Variants in ARNT observed in about 807,000 individuals in gnomAD.
ARNT encodes aryl hydrocarbon receptor nuclear translocator, also known as class E basic helix-loop-helix protein 2.
A neutral mutation model predicts 105.0 loss-of-function variants in ARNT; 30 were observed. The observed-to-expected ratio is 0.29, with a 90% CI of 0.21 to 0.39. The LOEUF is 0.39. ARNT is among the 10% of genes least tolerant of loss of function. The pLI is 1.00. For missense variants in ARNT, 748 were observed against 978.7 expected (o/e 0.76, Z 3.15); for synonymous variants, 304 against 344.0 (o/e 0.88, Z 1.29).
At chr1:150,817,542 T>C in intron 15 of ARNT, 109 bp from the exon 16 acceptor site, 2 of 1,043,060 alleles carry the variant, frequency 1.9e-6, no homozygotes, top group Non-Finnish European at 1.4e-6. Context: ...GCATGGTGGC[T>C]CATGCCTGTA....
chr1:150,827,868 T>C (rs1465877701), intron 12 of ARNT, among the ~76,000 whole-genome samples: 1 of 152,218 alleles, frequency 6.6e-6, no homozygotes, highest in Non-Finnish European at 1.5e-5. Flanking sequence ...TTCTAGTGGG[T>C]ATATAGTGGT....
intron 6 of ARNT, among the ~76,000 whole-genome samples, 197 bp from the exon 7 acceptor site, chr1:150,836,690 C>T (rs1359547266): frequency 2.0e-5 from 3 of 152,106 alleles, no homozygotes; most frequent in Non-Finnish European, 2.9e-5. Context: ...TACATGTTTC[C>T]TCACTTTCTC....
chr1:150,861,319 G>C (rs750861496), intron 1 of ARNT: 6 of 403,584 alleles, frequency 1.5e-5, no homozygotes, highest in Middle Eastern at 3.5e-4. Flanking sequence ...AACACAGCAA[G>C]ACAACATCGC....
chr1:150,838,014 C>T (rs1319280457), intron 6 of ARNT, among the ~76,000 whole-genome samples: 1 of 152,146 alleles, frequency 6.6e-6, no homozygotes, highest in Non-Finnish European at 1.5e-5. Context: ...TCATCTTTTA[C>T]CAAAACTAAT....
chr1:150,830,154 T>C lies in ARNT; in HGVS notation c.956-174A>G, dbSNP rs1339616833. 3 of 606,012 alleles carry C rather than the reference T, an allele frequency of 5.0e-6. No individual in the cohort carries two copies. In the East Asian group the frequency reaches 8.8e-5, roughly 18 times the overall value. 37.5% of individuals were successfully genotyped at this position (606,012 alleles called of 1,614,324 possible). A position where few individuals can be genotyped will look rare whatever the true frequency, so the allele number is the denominator to read the frequency against. On this transcript the variant is annotated intron_variant, in intron 10 of 21. Coordinates refer to ENST00000358595, the MANE Select transcript of ARNT (RefSeq NM_001668.4). ...TGGGCGGATCACTTGAGGACCAGCC[T>C]GGCCGACACAGTGAAACCCCATCTC...
chr1:150,867,534 A>G (rs151181235), intron 1 of ARNT, among the ~76,000 whole-genome samples: 23 of 152,282 alleles, frequency 1.5e-4, no homozygotes, highest in Admixed American at 5.2e-4. Flanking sequence ...TAAAAGAAAA[A>G]GAGAGAGATA....
intron 3 of ARNT, among the ~76,000 whole-genome samples, chr1:150,852,042 C>CAAAAAA (rs201248419): frequency 1.1e-5 from 1 of 95,050 alleles, no homozygotes; most frequent in East Asian, 3.1e-4. Flanking sequence ...GACTCCGTCT[C>CAAAAAA]AAAAAAAAAA....
chr1:150,815,863 CAA>C (rs35003478), intron 19 of ARNT, among the ~76,000 whole-genome samples: 9 of 122,016 alleles, frequency 7.4e-5, no homozygotes, highest in African/African-American at 6.4e-5. Context: ...GACTCTGTCT[CAA>C]AAAAAAAAAA....
intron 1 of ARNT, among the ~76,000 whole-genome samples, chr1:150,862,390 C>G (rs1665790857): frequency 1.3e-5 from 2 of 152,114 alleles, no homozygotes; most frequent in South Asian, 4.1e-4. Context: ...ATACCTCCAA[C>G]AGCACTGTGT....
chr1:150,817,864 C>T, intron 15 of ARNT, 56 bp downstream of exon 15: 1 of 1,364,840 alleles, frequency 7.3e-7, no homozygotes, highest in Non-Finnish European at 1.0e-6. Flanking sequence ...TATGGGATTG[C>T]AAATGACCAC....
intron 20 of ARNT, among the ~76,000 whole-genome samples, chr1:150,813,591 C>T (rs1307170117): frequency 1.3e-5 from 2 of 151,784 alleles, no homozygotes; most frequent in East Asian, 1.9e-4. Flanking sequence ...TAAAAATTCA[C>T]ATGATTTTTG....
In ARNT at chr1:150,813,308, A is replaced by C; in HGVS notation, c.2144T>G (p.Phe715Cys). Reference sequence around the variant, plus strand: ...CACACCCTCTGCTGTCCGTGTCTGGAATTGTCCTGCAGTCTGTCCAGTCTC... The same window carrying C: ...CACACCCTCTGCTGTCCGTGTCTGGCATTGTCCTGCAGTCTGTCCAGTCTC... ...APETGQTAGQ[F>C]QTRTAEGVGV... Residue 715 changes from phenylalanine to cysteine, a missense_variant, in exon 21 of 22, where the codon TTC (phenylalanine) becomes TGC (cysteine). By Grantham distance (205) the Phe-to-Cys change is radical (BLOSUM62 -2). Transcript: ENST00000358595. 3 of 1,613,446 alleles carry C rather than the reference A, an allele frequency of 1.9e-6. No homozygotes were observed. The highest frequency in any genetic ancestry group is 2.5e-6 in the Non-Finnish European group (3 of 1,179,734).
intron 2 of ARNT, among the ~76,000 whole-genome samples, chr1:150,856,544 C>A (rs894834095): frequency 6.6e-6 from 1 of 152,120 alleles, no homozygotes; most frequent in African/African-American, 2.4e-5. Flanking sequence ...GGGCATATCA[C>A]CTGAGGTCAG....
intron 13 of ARNT, among the ~76,000 whole-genome samples, chr1:150,825,920 CTT>C (rs755090857): frequency 6.9e-6 from 1 of 144,894 alleles, no homozygotes; most frequent in African/African-American, 2.5e-5. Flanking sequence ...TCTTTTTTAT[CTT>C]TTTTTTTTTG....
intron 6 of ARNT, 87 bp downstream of exon 6, chr1:150,839,353 GA>G: frequency 7.3e-7 from 1 of 1,378,398 alleles, no homozygotes; most frequent in East Asian, 2.3e-5. Context: ...ACTTCTTCCT[GA>G]AAAGCTGAAT....
At position 150,829,941 on chromosome 1, in the gene ARNT, C is replaced by T. The variant is rs1221715868; in HGVS notation, c.995G>A (p.Gly332Glu). The change falls in exon 11 of 22, where the codon GGA becomes GAA. Residue 332 changes from glycine to glutamate, a missense_variant. Around this residue, in one of 4 missense-constraint regions of ARNT, gnomAD observed 291 missense variants for 444.6 expected, o/e 0.65. Coordinates refer to ENST00000358595, the MANE Select transcript of ARNT (RefSeq NM_001668.4). The part of the protein sequence containing the change: ...LPDDDPEAGQ[G>E]SKFCLVAIGR... ...AATGGCCACTAGGCAAAACTTGCTT[C>T]CCTGGCCAGCCTCTGGGTCATCATC... The T allele has an allele frequency of 1.2e-6, 2 of 1,614,242 alleles. No individual in the cohort carries two copies. Among genetic ancestry groups the T allele is most frequent in the Admixed American group, 1.7e-5 (1 of 60,032 alleles).
intron 2 of ARNT, among the ~76,000 whole-genome samples, chr1:150,857,211 A>G (rs1291544521): frequency 6.6e-6 from 1 of 152,082 alleles, no homozygotes; most frequent in Non-Finnish European, 1.5e-5. Flanking sequence ...ACACTGAAAC[A>G]TATTTGTCGC....
At chr1:150,865,592 G>C (rs965810731) in intron 1 of ARNT, among the ~76,000 whole-genome samples, 2 of 152,048 alleles carry the variant, frequency 1.3e-5, no homozygotes, top group African/African-American at 4.8e-5. Flanking sequence ...TTCTAACCAA[G>C]GCAACTACCC....
chr1:150,860,689 C>T (rs1665476695), intron 1 of ARNT, among the ~76,000 whole-genome samples: 1 of 151,424 alleles, frequency 6.6e-6, no homozygotes, highest in African/African-American at 2.4e-5. Flanking sequence ...AATCCCATCT[C>T]TACTAAAAAT....
Sources: gnomAD v4.1 joint callset for allele counts (sites outside exome capture counted in the v4.1 genomes callset) on GRCh38, gnomAD v4.1.1 for gene constraint, gnomAD v4.1.1 regional missense constraint, MANE v1.5 for transcripts, NCBI Gene and HGNC (gene_info 2026-07-23, HGNC 2026-07-21) for gene names.